Variants in HACD2 observed in about 807,000 individuals in gnomAD.
HACD2 encodes very-long-chain (3R)-3-hydroxyacyl-CoA dehydratase 2.
A neutral mutation model predicts 31.0 loss-of-function variants in HACD2; 15 were observed. That is an observed-to-expected ratio of 0.48 (90% confidence interval 0.32 to 0.75). The LOEUF (loss-of-function observed/expected upper bound fraction) is 0.75, where lower values mean the gene tolerates loss of function less well. Ranked by LOEUF, HACD2 falls within the 30% of genes least tolerant of loss-of-function variation. The probability of loss-of-function intolerance (pLI) is 0.03; values close to 1 mark genes in which losing one functional copy is unlikely to be tolerated. For synonymous variants in HACD2, 115 were observed against 122.2 expected, an observed-to-expected ratio of 0.94 and a Z score of 0.39; for missense variants, 283 against 313.0, an observed-to-expected ratio of 0.90 and a Z score of 0.72.
At chr3:123,541,709 T>G (rs1300328490) in intron 3 of HACD2, among the ~76,000 whole-genome samples, 1 of 152,186 alleles carries the variant, frequency 6.6e-6, no homozygotes, top group Admixed American at 6.5e-5. Flanking sequence ...CATAGATAGT[T>G]CAATATAACA....
Position 123,498,658 on chromosome 3 carries a change from GC to G in HACD2, c.682+1856del, listed in dbSNP as rs1406030828. Among the ~76,000 whole-genome samples, 4 of 152,270 alleles carry G rather than the reference GC, an allele frequency of 2.6e-5. No individual in the cohort carries two copies. The East Asian group carries it at 7.7e-4, about 29-fold the overall frequency. ...TCATCCTGAAACCATCCCCTCCACC[GC>G]CCAGGGAAAAGCTGTCTTCCATGAA... is the stretch of plus-strand genomic sequence containing the variant. On this transcript the variant is annotated intron_variant, in intron 6 of 6. Coordinates refer to ENST00000383657, the MANE Select transcript of HACD2 (RefSeq NM_198402.5).
intron 5 of HACD2, 100 bp downstream of exon 5, chr3:123,502,460 A>C: frequency 7.7e-7 from 1 of 1,298,194 alleles, no homozygotes; most frequent in South Asian, 1.5e-5. Flanking sequence ...ACCCGTCTCA[A>C]TTTTATTTTT....
At chr3:123,580,964 C>T (rs368763803) in intron 2 of HACD2, among the ~76,000 whole-genome samples, 2 of 150,992 alleles carry the variant, frequency 1.3e-5, no homozygotes, top group Non-Finnish European at 1.5e-5. Flanking sequence ...TGGGACCACA[C>T]GCCCGTGCCA....
rs2056117069 is a variant in HACD2 at position 123,515,098 on chromosome 3, G to T, written c.382-12417C>A. Among the ~76,000 whole-genome samples the T allele has an allele frequency of 2.6e-5, 4 of 152,186 alleles. No individual in the cohort carries two copies. In the South Asian group the frequency reaches 8.3e-4, roughly 31 times the overall value. ...CACCAGGCAGTGTTCTAAGTGCTTT[G>T]TATGTGTTAACTCGCAGACCACCTC... is the stretch of plus-strand genomic sequence containing the variant. On this transcript the variant is annotated intron_variant, in intron 4 of 6. Coordinates refer to ENST00000383657, the MANE Select transcript of HACD2 (RefSeq NM_198402.5).
intron 4 of HACD2, among the ~76,000 whole-genome samples, chr3:123,507,992 C>A (rs556488749): frequency 9.4e-5 from 14 of 149,616 alleles, no homozygotes; most frequent in African/African-American, 1.2e-4. Flanking sequence ...GAGACCCCCC[C>A]TCTCTTAAAA....
chr3:123,501,778 G>A (rs182644855), intron 5 of HACD2, among the ~76,000 whole-genome samples: 50 of 152,262 alleles, frequency 3.3e-4, no homozygotes, highest in African/African-American at 1.1e-3. Flanking sequence ...CATTGCAAAT[G>A]AGAAAAATAA....
intron 4 of HACD2, among the ~76,000 whole-genome samples, chr3:123,522,126 C>T (rs528211816): frequency 2.6e-5 from 4 of 151,946 alleles, no homozygotes; most frequent in African/African-American, 7.2e-5. Flanking sequence ...GGCAATGGTT[C>T]GAGACCGTGC....
intron 3 of HACD2, among the ~76,000 whole-genome samples, chr3:123,555,970 G>A (rs545313183): frequency 3.3e-5 from 5 of 152,210 alleles, no homozygotes; most frequent in South Asian, 2.1e-4. Context: ...TCAACAAATC[G>A]TGCCGAACAA....
At chr3:123,584,661 C>G (rs1306787340) in intron 1 of HACD2, 1 of 377,862 alleles carries the variant, frequency 2.6e-6, no homozygotes, top group Non-Finnish European at 4.7e-6. Flanking sequence ...GAACTTGGCT[C>G]GACCCCCAGC....
chr3:123,577,826 T>C (rs1251130745), intron 2 of HACD2, among the ~76,000 whole-genome samples: 1 of 152,102 alleles, frequency 6.6e-6, no homozygotes, highest in Non-Finnish European at 1.5e-5. Flanking sequence ...CAAAAATGAA[T>C]AAAGTAGAAA....
chr3:123,565,299 G>T (rs2056778259), intron 3 of HACD2, among the ~76,000 whole-genome samples: 1 of 152,158 alleles, frequency 6.6e-6, no homozygotes, highest in Admixed American at 6.5e-5. Flanking sequence ...CATGCTTGGT[G>T]CTGTACCCTG....
chr3:123,507,464 C>A (rs911174279), intron 4 of HACD2, among the ~76,000 whole-genome samples: 4 of 152,216 alleles, frequency 2.6e-5, no homozygotes, highest in African/African-American at 9.6e-5. Context: ...TGCTACAACA[C>A]AGACAAGCCT....
chr3:123,562,425 A>C (rs148187023), intron 3 of HACD2, among the ~76,000 whole-genome samples: 3 of 152,342 alleles, frequency 2.0e-5, no homozygotes, highest in Non-Finnish European at 4.4e-5. Flanking sequence ...GCTCACTTGC[A>C]AAGAAATTAT....
intron 4 of HACD2, among the ~76,000 whole-genome samples, chr3:123,520,915 C>T (rs927946804): frequency 1.3e-5 from 2 of 152,154 alleles, no homozygotes; most frequent in African/African-American, 2.4e-5. Context: ...TGGAGAACTA[C>T]TATTTTAAGC....
intron 3 of HACD2, among the ~76,000 whole-genome samples, chr3:123,546,549 C>T (rs2056561778): frequency 6.6e-6 from 1 of 152,130 alleles, no homozygotes; most frequent in Non-Finnish European, 1.5e-5. Context: ...AACATGACAC[C>T]ATATTAACTC....
chr3:123,568,761 T>A (rs887844519), intron 2 of HACD2, among the ~76,000 whole-genome samples: 4 of 152,242 alleles, frequency 2.6e-5, no homozygotes, highest in African/African-American at 9.6e-5. Context: ...TAACAGCTAC[T>A]GTAGGGCATT....
chr3:123,498,519 T>C (rs1053961035), intron 6 of HACD2, among the ~76,000 whole-genome samples: 2 of 152,214 alleles, frequency 1.3e-5, no homozygotes, highest in Non-Finnish European at 2.9e-5. Context: ...AGACCAGCAG[T>C]GGCTTTAGAT....
chr3:123,578,892 A>T (rs1246124955), intron 2 of HACD2, among the ~76,000 whole-genome samples: 6 of 152,214 alleles, frequency 3.9e-5, no homozygotes, highest in Non-Finnish European at 8.8e-5. Flanking sequence ...ATTATTACAC[A>T]GTGTAGATGG....
intron 3 of HACD2, chr3:123,543,764 T>C: frequency 3.4e-6 from 1 of 293,478 alleles, no homozygotes; most frequent in Non-Finnish European, 6.9e-6. Context: ...CACAGAAAAA[T>C]AAAAATTATT....
Sources: gnomAD v4.1 joint callset for allele counts (sites outside exome capture counted in the v4.1 genomes callset) on GRCh38, gnomAD v4.1.1 for gene constraint, MANE v1.5 for transcripts, NCBI Gene and HGNC (gene_info 2026-07-23, HGNC 2026-07-21) for gene names.